The following PLEKHO2 variants were observed in gnomAD, a reference collection of about 807,000 sequenced individuals.
PLEKHO2 encodes pleckstrin homology domain containing O2.
Under a neutral mutation model 32.7 loss-of-function variants are expected in PLEKHO2, and 20 were observed. The observed-to-expected ratio is 0.61, with a 90% confidence interval of 0.43 to 0.89. The LOEUF (loss-of-function observed/expected upper bound fraction) is 0.89, where lower values mean the gene tolerates loss of function less well. PLEKHO2 is among the 40% of genes least tolerant of loss of function. PLEKHO2 has a pLI of 0.00. For missense variants in PLEKHO2, 568 were observed against 621.2 expected, an observed-to-expected ratio of 0.91 and a Z score of 0.91; for synonymous variants, 247 against 246.3, an observed-to-expected ratio of 1.00 and a Z score of -0.03.
chr15:64,856,622 G>C (rs961155938), intron 3 of PLEKHO2, among the ~76,000 whole-genome samples: 1 of 152,130 alleles, frequency 6.6e-6, no homozygotes, highest in Admixed American at 6.5e-5. Flanking sequence ...AACCCTGCAA[G>C]AATTTAGGCT....
intron 3 of PLEKHO2, among the ~76,000 whole-genome samples, chr15:64,857,008 T>G (rs1209649691): frequency 6.6e-6 from 1 of 152,098 alleles, no homozygotes; most frequent in Non-Finnish European, 1.5e-5. Flanking sequence ...CCCCTGCTTC[T>G]CCAGCCCCAC....
At chr15:64,842,139 A>G in intron 1 of PLEKHO2, 111 bp downstream of exon 1, 1 of 1,042,798 alleles carries the variant, frequency 9.6e-7, no homozygotes, top group Non-Finnish European at 1.2e-6. Flanking sequence ...CGCCAGTCTC[A>G]CCTCAGGAAG....
intron 4 of PLEKHO2, among the ~76,000 whole-genome samples, chr15:64,860,275 A>T (rs573797619): frequency 1.3e-5 from 2 of 152,396 alleles, no homozygotes; most frequent in East Asian, 3.9e-4. Context: ...TGGTGGCAGC[A>T]TGCATCCTTT....
At chr15:64,850,403 A>G (rs1026529774) in intron 2 of PLEKHO2, among the ~76,000 whole-genome samples, 3 of 152,198 alleles carry the variant, frequency 2.0e-5, no homozygotes, top group African/African-American at 7.2e-5. Flanking sequence ...GTAAACTCCA[A>G]AACTTATTTT....
In PLEKHO2 at chr15:64,865,356, C is replaced by T. The variant is rs770203850; in HGVS notation, c.941C>T (p.Pro314Leu). The change falls in exon 6 of 6, where the codon CCC (proline) becomes CTC (leucine). Residue 314 changes from proline to leucine, a missense_variant. Coordinates refer to ENST00000323544, the MANE Select transcript of PLEKHO2 (RefSeq NM_025201.5). ...REGGKPPTPP[P>L]KILSEKLKAS... is the part of the protein sequence containing the mutation. ...GGTGGGAAGCCCCCTACACCCCCAC[C>T]CAAGATCTTATCAGAGAAACTGAAA... The T allele has an allele frequency of 2.8e-5, 45 of 1,613,608 alleles. No individual in the cohort carries two copies. In the South Asian group the frequency reaches 4.8e-4, roughly 17 times the overall value.
rs1443453210 is a variant in PLEKHO2, at chr15:64,866,628, G to A, written c.*740G>A. 6.2e-6 allele frequency: 2 copies of A among 321,646 alleles called. No individual in the cohort carries two copies. The highest frequency in any genetic ancestry group is 4.3e-5 in the African/African-American group (2 of 46,044). The allele number at this position is 321,646 out of a possible 1,614,324, so 19.9% of individuals were successfully genotyped here. ...TCTGGAGGATTCAAGAGTGGAAGAG[G>A]AATTTAAGGGGTCCCCTAGTCTAGT... On this transcript the variant is annotated 3_prime_UTR_variant, in exon 6 of 6. Coordinates refer to ENST00000323544, the MANE Select transcript of PLEKHO2 (RefSeq NM_025201.5).
chr15:64,861,516 C>A lies in PLEKHO2; in HGVS notation c.424C>A (p.Arg142=), dbSNP rs781040665. The A allele has an allele frequency of 2.5e-5, 41 of 1,608,896 alleles. No homozygotes were observed. In the South Asian group the frequency reaches 4.3e-4, roughly 17 times the overall value. ...DKSCALEHVT[R]DRVRGGQRRR... is the part of the protein sequence containing the mutation. ...GAGCTGCGCCCTGGAGCATGTGACA[C>A]GGGACCGGGTGCGAGGGGGCCAGCG... Residue 142 remains arginine, a synonymous_variant, in exon 5 of 6, where the codon CGG becomes AGG. Transcript: ENST00000323544.
At position 64,866,591 on chromosome 15, in the gene PLEKHO2, G is replaced by T; in HGVS notation, c.*703G>T. 2.8e-6 allele frequency: 1 copy of T among 351,722 alleles called. No homozygotes were observed. The highest frequency in any genetic ancestry group is 2.2e-5 in the South Asian group (1 of 46,226). 21.8% of individuals were successfully genotyped at this position (351,722 alleles called of 1,614,324 possible). ...CCCTTCCTCTCAGTGAGCTATGATT[G>T]GAGGGCTTAGGTCTGGAGGATTCAA... is the stretch of plus-strand genomic sequence containing the variant. On this transcript the variant is annotated 3_prime_UTR_variant, in exon 6 of 6. Transcript: ENST00000323544.
In PLEKHO2 at chr15:64,842,390, CTGTGTG is replaced by C. The variant is rs1184410989; in HGVS notation, c.12+390_12+395del. On this transcript the variant is annotated intron_variant, in intron 1 of 5. Transcript: ENST00000323544. The stretch of plus-strand genomic sequence containing the variant: ...TCGGATCCTGACTCTCTCTCTCTCT[CTGTGTG>C]TGTGTGTGTGTGTGTGTGTGTGTGT... Among the ~76,000 whole-genome samples the C allele has an allele frequency of 3.2e-3, 467 of 145,286 alleles. 1 individual carries two copies. The highest frequency in any genetic ancestry group is 5.8e-3 in the Non-Finnish European group (381 of 65,986).
chr15:64,852,268 G>A (rs913293766), intron 2 of PLEKHO2, among the ~76,000 whole-genome samples: 2 of 152,204 alleles, frequency 1.3e-5, no homozygotes, highest in African/African-American at 4.8e-5. Context: ...CTCAGAGCAA[G>A]AGGATTTTTC....
At chr15:64,864,365 G>A (rs891558770) in intron 5 of PLEKHO2, among the ~76,000 whole-genome samples, 2 of 152,134 alleles carry the variant, frequency 1.3e-5, no homozygotes, top group East Asian at 1.9e-4. Flanking sequence ...GCTGGCAGAC[G>A]GAACAGAGGT....
At chr15:64,845,478 C>T (rs545737711) in intron 1 of PLEKHO2, among the ~76,000 whole-genome samples, 4 of 151,934 alleles carry the variant, frequency 2.6e-5, no homozygotes, top group Non-Finnish European at 5.9e-5. Context: ...AGCCAGGCCC[C>T]CCTGGAGGGA....
At chr15:64,848,565 C>T (rs1250386703) in intron 1 of PLEKHO2, 28 bp from the exon 2 acceptor site, 2 of 1,613,628 alleles carry the variant, frequency 1.2e-6, no homozygotes, top group South Asian at 2.2e-5. Context: ...TAGCAACCCT[C>T]ATGGTATGAA....
At chr15:64,857,654 G>C (rs1397145349) in intron 3 of PLEKHO2, among the ~76,000 whole-genome samples, 1 of 152,172 alleles carries the variant, frequency 6.6e-6, no homozygotes, top group African/African-American at 2.4e-5. Context: ...GCTGGGTCCT[G>C]TTTAACCTTG....
chr15:64,855,878 C>T (rs1344404428), intron 3 of PLEKHO2, among the ~76,000 whole-genome samples: 2 of 152,196 alleles, frequency 1.3e-5, no homozygotes, highest in Non-Finnish European at 2.9e-5. Flanking sequence ...TGGTCTGGGC[C>T]TGCTGGAGGC....
At chr15:64,850,157 T>C (rs952147410) in intron 2 of PLEKHO2, among the ~76,000 whole-genome samples, 1 of 151,914 alleles carries the variant, frequency 6.6e-6, no homozygotes, top group Non-Finnish European at 1.5e-5. Flanking sequence ...TGAAACTCCA[T>C]CTCAAAAAAA....
intron 1 of PLEKHO2, among the ~76,000 whole-genome samples, chr15:64,847,817 G>A (rs958240069): frequency 6.6e-6 from 1 of 152,212 alleles, no homozygotes; most frequent in Non-Finnish European, 1.5e-5. Flanking sequence ...GTGGGGAGGA[G>A]GGGAGAGGAG....
chr15:64,862,029 G>A (rs1172915448), intron 5 of PLEKHO2, among the ~76,000 whole-genome samples: 1 of 152,128 alleles, frequency 6.6e-6, no homozygotes, highest in Non-Finnish European at 1.5e-5. Flanking sequence ...GGATGGGAGG[G>A]GTTCACTTGG....
intron 5 of PLEKHO2, 47 bp from the exon 6 acceptor site, chr15:64,864,852 A>G: frequency 6.5e-7 from 1 of 1,533,570 alleles, no homozygotes; most frequent in Non-Finnish European, 8.8e-7. Context: ...ACCTGACCCA[A>G]TGGCTAGTCA....
Sources: allele counts gnomAD v4.1 joint callset (sites outside exome capture counted in the v4.1 genomes callset), GRCh38; gene constraint gnomAD v4.1.1; transcripts MANE v1.5; gene names NCBI Gene and HGNC (gene_info 2026-07-23, HGNC 2026-07-21).